PPP2R2B: variants seen among roughly 807,000 people sequenced by gnomAD.
The protein encoded by PPP2R2B is protein phosphatase 2 regulatory subunit Bbeta.
In PPP2R2B, 5 loss-of-function variants were observed where a neutral mutation model predicts 46.0. The observed-to-expected ratio is 0.11, with a 90% CI of 0.06 to 0.23. The LOEUF is 0.23. Ranked by LOEUF, PPP2R2B falls within the 10% of genes least tolerant of loss-of-function variation. PPP2R2B has a pLI of 1.00. For missense variants in PPP2R2B, 367 were observed against 575.0 expected (o/e 0.64, Z 3.70); for synonymous variants, 215 against 206.7 (o/e 1.04, Z -0.34).
At chr5:146,774,315 C>T (rs1175313162) in intron 2 of PPP2R2B, among the ~76,000 whole-genome samples, 1 of 152,092 alleles carries the variant, frequency 6.6e-6, no homozygotes, top group Non-Finnish European at 1.5e-5. Flanking sequence ...TCATTATTAT[C>T]ATCACTATCA....
At position 147,003,689 on chromosome 5, in the gene PPP2R2B, C is replaced by T. The variant is rs958785203; in HGVS notation, c.79+51976G>A. Among the ~76,000 whole-genome samples, 11 of 152,148 alleles carry T rather than the reference C, an allele frequency of 7.2e-5. No homozygotes were observed. In the East Asian group the frequency reaches 7.8e-4, roughly 11 times the overall value. On this transcript the variant is annotated intron_variant, in intron 1 of 8. Coordinates refer to the PPP2R2B transcript ENST00000336640. ...CCAGTATGGATCCCCACTGGGACCT[C>T]GACTCAGATCATGGGGACTGGAGTT... is the stretch of plus-strand genomic sequence containing the variant.
chr5:146,787,594 G>A (rs1159648973), intron 2 of PPP2R2B, among the ~76,000 whole-genome samples: 1 of 151,668 alleles, frequency 6.6e-6, no homozygotes, highest in Non-Finnish European at 1.5e-5. Flanking sequence ...TTGAGATGGA[G>A]TCTCACTGTG....
intron 2 of PPP2R2B, among the ~76,000 whole-genome samples, chr5:146,837,248 G>T (rs1472926569): frequency 6.6e-6 from 1 of 152,214 alleles, no homozygotes; most frequent in South Asian, 2.1e-4. Flanking sequence ...AATAGGCTTT[G>T]CATGAGATGA....
intron 2 of PPP2R2B, among the ~76,000 whole-genome samples, chr5:146,795,848 C>T (rs990383231): frequency 1.3e-5 from 2 of 152,018 alleles, no homozygotes; most frequent in Non-Finnish European, 2.9e-5. Context: ...ACAGAAGATT[C>T]GATGGAATAA....
chr5:147,022,866 T>C (rs936708793), intron 1 of PPP2R2B, among the ~76,000 whole-genome samples: 1 of 152,042 alleles, frequency 6.6e-6, no homozygotes, highest in Non-Finnish European at 1.5e-5. Flanking sequence ...AAAATATTCT[T>C]ATATCCCTCA....
At chr5:146,770,586 T>C (rs1372111818) in intron 2 of PPP2R2B, among the ~76,000 whole-genome samples, 1 of 152,198 alleles carries the variant, frequency 6.6e-6, no homozygotes, top group Non-Finnish European at 1.5e-5. Context: ...GTTTCTACTT[T>C]TATGCTTCTC....
intron 2 of PPP2R2B, among the ~76,000 whole-genome samples, chr5:146,755,024 G>A (rs1227289627): frequency 6.6e-6 from 1 of 152,182 alleles, no homozygotes; most frequent in Non-Finnish European, 1.5e-5. Flanking sequence ...GTTCATGGCA[G>A]CAATTGACAA....
intron 2 of PPP2R2B, among the ~76,000 whole-genome samples, chr5:146,721,466 G>A (rs1780792682): frequency 6.6e-6 from 1 of 152,160 alleles, no homozygotes; most frequent in Non-Finnish European, 1.5e-5. Flanking sequence ...AAGAGAGAAG[G>A]TGCTAGAAAT....
chr5:146,847,131 T>C (rs1404352320), intron 2 of PPP2R2B, among the ~76,000 whole-genome samples: 1 of 152,214 alleles, frequency 6.6e-6, no homozygotes, highest in Non-Finnish European at 1.5e-5. Flanking sequence ...CTGATCTGTA[T>C]GACTGAAGTA....
At chr5:146,697,036 CTG>C (rs1216132251) in intron 4 of PPP2R2B, among the ~76,000 whole-genome samples, 1 of 152,138 alleles carries the variant, frequency 6.6e-6, no homozygotes, top group Admixed American at 6.5e-5. Context: ...ATTATTGACA[CTG>C]TATTTTTTCA....
chr5:146,793,713 A>G (rs547544403), intron 2 of PPP2R2B, among the ~76,000 whole-genome samples: 11 of 152,168 alleles, frequency 7.2e-5, no homozygotes, highest in Admixed American at 1.3e-4. Context: ...CCTATTCCCA[A>G]GTGGAATTTT....
At chr5:146,719,079 A>T (rs930488933) in intron 2 of PPP2R2B, among the ~76,000 whole-genome samples, 8 of 152,216 alleles carry the variant, frequency 5.3e-5, no homozygotes, top group Non-Finnish European at 1.2e-4. Flanking sequence ...TATGTGCCTG[A>T]CCTAGGACTT....
chr5:146,701,477 C>T (rs1779533351), intron 2 of PPP2R2B, among the ~76,000 whole-genome samples: 1 of 152,186 alleles, frequency 6.6e-6, no homozygotes, highest in Non-Finnish European at 1.5e-5. Flanking sequence ...ACCACAGACC[C>T]TTCGTGCATC....
At chr5:147,024,259 C>G (rs575183824) in intron 1 of PPP2R2B, among the ~76,000 whole-genome samples, 4 of 151,874 alleles carry the variant, frequency 2.6e-5, no homozygotes, top group Non-Finnish European at 4.4e-5. Context: ...AGGGTCAGTA[C>G]ATCAGAAAGA....
chr5:146,899,864 T>C (rs1449853276), intron 1 of PPP2R2B, among the ~76,000 whole-genome samples: 1 of 152,150 alleles, frequency 6.6e-6, no homozygotes, highest in African/African-American at 2.4e-5. Context: ...TTAAAAGATA[T>C]ATAACTACAT....
At chr5:147,016,110 T>C (rs933478705) in intron 1 of PPP2R2B, among the ~76,000 whole-genome samples, 2 of 151,504 alleles carry the variant, frequency 1.3e-5, no homozygotes, top group African/African-American at 4.8e-5. Context: ...CCAAGGCAGG[T>C]ACATTGCTTG....
At chr5:146,808,427 G>A (rs1757323517) in intron 2 of PPP2R2B, among the ~76,000 whole-genome samples, 1 of 152,116 alleles carries the variant, frequency 6.6e-6, no homozygotes, top group Admixed American at 6.5e-5. Flanking sequence ...GCCTTGTTCT[G>A]TGTTTCACTG....
At chr5:146,633,280 A>G (rs1467124462) in intron 7 of PPP2R2B, among the ~76,000 whole-genome samples, 1 of 152,194 alleles carries the variant, frequency 6.6e-6, no homozygotes, top group East Asian at 1.9e-4. Context: ...GCTGTTGGTT[A>G]TTAAATACTC....
chr5:146,648,738 T>C (rs930075679), intron 6 of PPP2R2B, among the ~76,000 whole-genome samples: 9 of 152,112 alleles, frequency 5.9e-5, no homozygotes, highest in Admixed American at 3.9e-4. Context: ...TGAAGTGACA[T>C]GTAACTAGCC....
Sources: allele counts gnomAD v4.1 joint callset (sites outside exome capture counted in the v4.1 genomes callset), GRCh38; gene constraint gnomAD v4.1.1; transcripts MANE v1.5; gene names NCBI Gene and HGNC (gene_info 2026-07-23, HGNC 2026-07-21).